NCKAP1: variants seen among roughly 807,000 people sequenced by gnomAD.
The protein encoded by NCKAP1 is nck-associated protein 1.
Under a neutral mutation model 151.2 loss-of-function variants are expected in NCKAP1, and 21 were observed. The observed-to-expected ratio is 0.14, with a 90% CI of 0.10 to 0.20. The LOEUF (loss-of-function observed/expected upper bound fraction) is 0.20. Ranked by LOEUF, NCKAP1 falls within the 10% of genes least tolerant of loss-of-function variation. The pLI is 1.00. For missense variants in NCKAP1, 933 were observed against 1,352.1 expected (o/e 0.69, Z 4.86); for synonymous variants, 484 against 451.8 (o/e 1.07, Z -0.90).
chr2:182,915,464 C>G lies in NCKAP1; in HGVS notation c.*10238G>C, dbSNP rs1670142074. The stretch of plus-strand genomic sequence containing the variant: ...CTAGAGCAGGTATCAGCTGCTCCCT[C>G]TAGTCACTTTCTGGGTGCTGTGACC... On this transcript the variant is annotated 3_prime_UTR_variant, in exon 31 of 31. Coordinates refer to ENST00000361354, the MANE Select transcript of NCKAP1 (RefSeq NM_013436.5). 1 of 152,242 alleles carries G rather than the reference C, an allele frequency of 6.6e-6. No homozygotes were observed. The highest frequency in any genetic ancestry group is 2.4e-5 in the African/African-American group (1 of 41,448). The allele number at this position is 152,242 out of a possible 1,614,324, so 9.4% of individuals were successfully genotyped here.
intron 11 of NCKAP1, 97 bp downstream of exon 11, chr2:182,983,189 G>A: frequency 2.1e-6 from 2 of 957,462 alleles, no homozygotes; most frequent in East Asian, 2.6e-5. Flanking sequence ...ATCCTTTTAT[G>A]TAGTCCCTGA....
intron 10 of NCKAP1, among the ~76,000 whole-genome samples, chr2:182,984,635 G>A (rs1242176551): frequency 6.7e-6 from 1 of 148,370 alleles, no homozygotes; most frequent in Admixed American, 6.8e-5. Context: ...CTCAAAAGAT[G>A]CACAATCTTT....
chr2:183,017,528 C>A (rs1056366695), intron 2 of NCKAP1, among the ~76,000 whole-genome samples: 6 of 152,076 alleles, frequency 3.9e-5, no homozygotes, highest in Admixed American at 3.9e-4. Context: ...GGAGAAAGAG[C>A]TCAGGCAGTA....
intron 14 of NCKAP1, among the ~76,000 whole-genome samples, chr2:182,977,461 G>A (rs940180061): frequency 1.3e-5 from 2 of 152,214 alleles, no homozygotes; most frequent in African/African-American, 4.8e-5. Context: ...CAGCACTCCA[G>A]CCTGGGCAAC....
intron 23 of NCKAP1, among the ~76,000 whole-genome samples, chr2:182,945,421 A>C (rs980559089): frequency 2.6e-5 from 4 of 152,030 alleles, no homozygotes; most frequent in Non-Finnish European, 4.4e-5. Context: ...AGAAAAAAAA[A>C]CCAGCAAAGA....
In NCKAP1 at chr2:182,923,982, T is replaced by C. The variant is rs1696592479; in HGVS notation, c.*1720A>G. 1 of 152,144 alleles carries C rather than the reference T, an allele frequency of 6.6e-6. No individual in the cohort carries two copies. Among genetic ancestry groups the C allele is most frequent in the East Asian group, 1.9e-4 (1 of 5,200 alleles). The allele number at this position is 152,144 out of a possible 1,614,324, so 9.4% of individuals were successfully genotyped here. On this transcript the variant is annotated 3_prime_UTR_variant, in exon 31 of 31. Transcript: ENST00000361354. ...AAAGTGTACATATCCAAATTCCTACTTTACCTCTCCAGAGATCACTGCCAA... is the reference window on the plus strand; with the variant it reads ...AAAGTGTACATATCCAAATTCCTACCTTACCTCTCCAGAGATCACTGCCAA...
intron 19 of NCKAP1, chr2:182,956,840 A>G (rs998858255): frequency 1.1e-5 from 4 of 354,964 alleles, no homozygotes; most frequent in African/African-American, 8.6e-5. Context: ...ATACAAAGGT[A>G]GAGCTTATTC....
rs1391508741 is a variant in NCKAP1 at position 182,917,173 on chromosome 2, C to A, written c.*8529G>T. The stretch of plus-strand genomic sequence containing the variant: ...CTTTAAAGTAGATATTATCCACATT[C>A]TACACTTAGGGAAACAAACTTGGAG... On this transcript the variant is annotated 3_prime_UTR_variant, in exon 31 of 31. Transcript: ENST00000361354. 1 of 152,150 alleles carries A rather than the reference C, an allele frequency of 6.6e-6. No homozygotes were observed. The highest frequency in any genetic ancestry group is 1.5e-5 in the Non-Finnish European group (1 of 68,018). The allele number at this position is 152,150 out of a possible 1,614,324, so 9.4% of individuals were successfully genotyped here. A position where few individuals can be genotyped will look rare whatever the true frequency, so the allele number is the denominator to read the frequency against.
At chr2:182,954,450 C>G (rs1423148451) in intron 20 of NCKAP1, among the ~76,000 whole-genome samples, 3 of 152,122 alleles carry the variant, frequency 2.0e-5, no homozygotes, top group Non-Finnish European at 4.4e-5. Flanking sequence ...TAAAAGACAA[C>G]CGACAAATCC....
At chr2:183,030,781 T>C (rs906641852) in intron 1 of NCKAP1, among the ~76,000 whole-genome samples, 3 of 152,268 alleles carry the variant, frequency 2.0e-5, no homozygotes, top group Non-Finnish European at 4.4e-5. Flanking sequence ...GATTATTTTA[T>C]GTTCCAATTT....
intron 27 of NCKAP1, among the ~76,000 whole-genome samples, chr2:182,929,915 G>T (rs1696726582): frequency 6.6e-6 from 1 of 151,942 alleles, no homozygotes; most frequent in Non-Finnish European, 1.5e-5. Context: ...GCATTTCTAA[G>T]GGCTGGTCTT....
intron 20 of NCKAP1, among the ~76,000 whole-genome samples, chr2:182,953,689 T>G (rs143594162): frequency 6.1e-4 from 93 of 152,072 alleles, no homozygotes; most frequent in African/African-American, 2.1e-3. Flanking sequence ...TCCTGGCTAC[T>G]TGGGAGGTTG....
intron 1 of NCKAP1, among the ~76,000 whole-genome samples, chr2:183,025,153 T>A (rs1248807812): frequency 6.6e-6 from 1 of 152,316 alleles, no homozygotes; most frequent in East Asian, 1.9e-4. Flanking sequence ...GTATTCTAAG[T>A]AGCGAGTTTT....
chr2:182,926,385 C>A (rs914376170), intron 30 of NCKAP1, among the ~76,000 whole-genome samples: 1 of 151,770 alleles, frequency 6.6e-6, no homozygotes, highest in East Asian at 1.9e-4. Context: ...GAAAGAGCCA[C>A]GTGGTAGAAA....
chr2:183,024,012 GT>G, intron 1 of NCKAP1, 96 bp from the exon 2 acceptor site: 4 of 974,304 alleles, frequency 4.1e-6, no homozygotes, highest in Non-Finnish European at 4.7e-6. Flanking sequence ...GATATTTATT[GT>G]TTTTGGTGAG....
At chr2:183,001,302 C>A (rs1309228767) in intron 6 of NCKAP1, among the ~76,000 whole-genome samples, 1 of 152,148 alleles carries the variant, frequency 6.6e-6, no homozygotes, top group Non-Finnish European at 1.5e-5. Context: ...CTATGAATTT[C>A]CTTGAAGTGT....
At chr2:182,997,864 TACA>T (rs1185815591) in intron 6 of NCKAP1, among the ~76,000 whole-genome samples, 9 of 151,692 alleles carry the variant, frequency 5.9e-5, no homozygotes, top group East Asian at 1.9e-4. Context: ...CTCGCAAAAA[TACA>T]ACAACAAAAA....
intron 16 of NCKAP1, among the ~76,000 whole-genome samples, chr2:182,966,193 C>T (rs1156830130): frequency 6.6e-6 from 1 of 152,004 alleles, no homozygotes; most frequent in East Asian, 1.9e-4. Flanking sequence ...GTCCTCTTCC[C>T]TAAAGGAAAA....
At chr2:182,984,924 C>T (rs1032832567) in intron 10 of NCKAP1, among the ~76,000 whole-genome samples, 1 of 152,002 alleles carries the variant, frequency 6.6e-6, no homozygotes, top group African/African-American at 2.4e-5. Flanking sequence ...AATAAAAATA[C>T]CTTAATTGTA....
Sources: gnomAD v4.1 joint callset for allele counts (sites outside exome capture counted in the v4.1 genomes callset) on GRCh38, gnomAD v4.1.1 for gene constraint, MANE v1.5 for transcripts, NCBI Gene and HGNC (gene_info 2026-07-23, HGNC 2026-07-21) for gene names.